The following CILK1 variants were observed in gnomAD, a reference collection of about 807,000 sequenced individuals.
CILK1 encodes serine/threonine-protein kinase ICK.
CILK1 carries 47 observed loss-of-function variants against 79.2 expected under a neutral mutation model. That is an observed-to-expected ratio of 0.59 (90% CI 0.47 to 0.76). The LOEUF is 0.76. Ranked by LOEUF, CILK1 falls within the 30% of genes least tolerant of loss-of-function variation. The pLI is 0.00. For missense variants in CILK1, 660 were observed against 769.5 expected, an observed-to-expected ratio of 0.86 and a Z score of 1.68; for synonymous variants, 266 against 275.9, an observed-to-expected ratio of 0.96 and a Z score of 0.36.
intron 1 of CILK1, among the ~76,000 whole-genome samples, chr6:53,042,393 T>C (rs1252691225): frequency 1.3e-5 from 2 of 152,214 alleles, no homozygotes; most frequent in South Asian, 2.1e-4. Flanking sequence ...CTGTGTTCTA[T>C]ACACTTGAGC....
At chr6:53,032,251 A>T (rs927321842) in intron 4 of CILK1, among the ~76,000 whole-genome samples, 1 of 152,214 alleles carries the variant, frequency 6.6e-6, no homozygotes, top group Non-Finnish European at 1.5e-5. Flanking sequence ...AGCTTTCAAC[A>T]TGAAAGCCCA....
At chr6:53,019,448 T>C in intron 5 of CILK1, 89 bp from the exon 6 acceptor site, 4 of 1,456,124 alleles carry the variant, frequency 2.7e-6, no homozygotes, top group Non-Finnish European at 3.8e-6. Flanking sequence ...AAAATAGTTA[T>C]AATTTAAAAA....
rs754775999 is a variant in CILK1 at position 53,018,401 on chromosome 6, G to T, written c.592C>A (p.Pro198Thr). 2 of 1,614,150 alleles carry T rather than the reference G, an allele frequency of 1.2e-6. No homozygotes were observed. The highest frequency in any genetic ancestry group is 8.5e-7 in the Non-Finnish European group (1 of 1,180,020). The change falls in exon 7 of 14, where the codon CCA (proline) becomes ACA (threonine). Residue 198 changes from proline to threonine, a missense_variant. By Grantham distance (38) the Pro-to-Thr change is conservative. Coordinates refer to ENST00000676107, the MANE Select transcript of CILK1 (RefSeq NM_014920.5). ...CIMAEVYTLRPLFPGASEIDT... is the reference protein window; with the variant it reads ...CIMAEVYTLRTLFPGASEIDT... ...ATTTCACTGGCTCCAGGGAAGAGTG[G>T]CCTGAGGGTGTAAACTTCTGCCATG...
At chr6:53,010,581 A>G (rs1581945315) in intron 11 of CILK1, among the ~76,000 whole-genome samples, 1 of 152,258 alleles carries the variant, frequency 6.6e-6, no homozygotes, top group East Asian at 1.9e-4. Context: ...CTTTCTCACT[A>G]TGCTCTGGCC....
chr6:53,011,937 C>T lies in CILK1; in HGVS notation c.1344-20G>A, dbSNP rs763106629. On this transcript the variant is annotated intron_variant, in intron 10 of 13. Transcript: ENST00000676107. ...TCAAACCTGAATGAAGAGAGCATGG[C>T]TTGGGTCAGCACGAGAGACAGTATG... 1 of 1,614,142 alleles carries T rather than the reference C, an allele frequency of 6.2e-7. No homozygotes were observed. The highest frequency in any genetic ancestry group is 1.3e-5 in the African/African-American group (1 of 75,038).
rs758943566 is a variant in CILK1 at position 53,016,083 on chromosome 6, C to A, written c.831G>T (p.Gln277His). 6.2e-7 allele frequency: 1 copy of A among 1,613,604 alleles called. No individual in the cohort carries two copies. The highest frequency in any genetic ancestry group is 1.3e-5 in the African/African-American group (1 of 74,838). Residue 277 changes from glutamine to histidine, a missense_variant and splice_region_variant, in exon 8 of 14, where the codon CAG becomes CAT. Coordinates refer to ENST00000676107, the MANE Select transcript of CILK1 (RefSeq NM_014920.5). ...TTATAACAAGAAAATGGAAGAAAAC[C>A]TGACTAGCTGTTGGTCGTTTCTTGG... ...WDPKKRPTASQALRYPYFQVG... is the reference protein window; with the variant it reads ...WDPKKRPTASHALRYPYFQVG...
Position 53,013,864 on chromosome 6 carries a change from A to C in CILK1, c.950T>G (p.Ile317Ser), listed in dbSNP as rs1372664713. 6.2e-7 allele frequency: 1 copy of C among 1,614,052 alleles called. No individual in the cohort carries two copies. The highest frequency in any genetic ancestry group is 1.7e-5 in the Admixed American group (1 of 60,020). Reference protein sequence around the residue: ...ILEKAGPPPYIKPVPPAQPPA... With the variant: ...ILEKAGPPPYSKPVPPAQPPA... ...TGGCTGGGCAGGTGGGACTGGCTTAATATAAGGAGGTGGGCCTGCCTTTTC... is the reference window on the plus strand; with the variant it reads ...TGGCTGGGCAGGTGGGACTGGCTTACTATAAGGAGGTGGGCCTGCCTTTTC... Residue 317 changes from isoleucine (I) to serine (S), a missense_variant, in exon 9 of 14, where the codon ATT becomes AGT. Transcript: ENST00000676107.
At chr6:53,016,040 CAG>C (rs1191772904) in intron 8 of CILK1, 41 bp downstream of exon 8, 1 of 1,584,722 alleles carries the variant, frequency 6.3e-7, no homozygotes. Flanking sequence ...AGAAATTATT[CAG>C]AGTTAGATAT....
intron 3 of CILK1, among the ~76,000 whole-genome samples, chr6:53,035,742 A>G (rs1268676174): frequency 6.6e-6 from 1 of 152,198 alleles, no homozygotes; most frequent in Non-Finnish European, 1.5e-5. Flanking sequence ...CTGGCAGGAC[A>G]TGAGAAACGA....
Position 53,032,602 on chromosome 6 carries a change from C to T in CILK1, c.209G>A (p.Arg70Lys), listed in dbSNP as rs368268757. ...ANVVKLKEVIRENDHLYFIFE... is the reference protein window; with the variant it reads ...ANVVKLKEVIKENDHLYFIFE... ...GATAAAATAAAGATGATCATTTTCC[C>T]TGATAACTTCTTTTAATTTGACTAC... Residue 70 changes from arginine (R) to lysine (K), a missense_variant, in exon 4 of 14, where the codon AGG (arginine) becomes AAG (lysine). Coordinates refer to ENST00000676107, the MANE Select transcript of CILK1 (RefSeq NM_014920.5). The T allele has an allele frequency of 3.1e-6, 5 of 1,605,300 alleles. No homozygotes were observed. The African/African-American group carries it at 6.7e-5, about 21-fold the overall frequency.
chr6:53,036,710 C>G (rs1766362450), intron 3 of CILK1, among the ~76,000 whole-genome samples: 1 of 152,050 alleles, frequency 6.6e-6, no homozygotes, highest in Non-Finnish European at 1.5e-5. Flanking sequence ...GCCACCACAC[C>G]CAGCCCAAAA....
chr6:53,057,415 C>T (rs1254099431), intron 1 of CILK1, among the ~76,000 whole-genome samples: 1 of 152,112 alleles, frequency 6.6e-6, no homozygotes, highest in Non-Finnish European at 1.5e-5. Flanking sequence ...AAAAGCAAGG[C>T]ACTATTGTGG....
intron 5 of CILK1, among the ~76,000 whole-genome samples, chr6:53,029,335 A>G (rs1562023524): frequency 6.6e-6 from 1 of 152,214 alleles, no homozygotes; most frequent in Non-Finnish European, 1.5e-5. Flanking sequence ...TCTTGTGAAT[A>G]AAGGCCCAAG....
At chr6:53,056,828 A>G (rs966153146) in intron 1 of CILK1, among the ~76,000 whole-genome samples, 2 of 152,238 alleles carry the variant, frequency 1.3e-5, no homozygotes, top group African/African-American at 4.8e-5. Context: ...ATTTTCCTAT[A>G]CTACCACGTC....
rs773426982 is a variant in CILK1, at chr6:53,005,182, T to G, written c.1866A>C (p.Thr622=). 6.2e-7 allele frequency: 1 copy of G among 1,614,102 alleles called. No individual in the cohort carries two copies. ...GAGATGCGTACTTGGAAGCCCAGTCTGTCCGGCCATGCACTGGCTGGGCGG... is the reference window on the plus strand; with the variant it reads ...GAGATGCGTACTTGGAAGCCCAGTCGGTCCGGCCATGCACTGGCTGGGCGG... ...PPAAQPVHGR[T]DWASKYASRR The change falls in exon 14 of 14, where the codon ACA becomes ACC. Residue 622 remains threonine (T), a synonymous_variant. Transcript: ENST00000676107.
rs1242461378 is a variant in CILK1, at chr6:53,012,129, A to G, written c.1251T>C (p.Asp417=). The change falls in exon 10 of 14, where the codon GAT becomes GAC. Residue 417 remains aspartate, a synonymous_variant. Transcript: ENST00000676107. ...LISRSTKDSD[D]WADLDDLDFS... ...AATCCAAGTCATCCAAGTCAGCCCA[A>G]TCATCTGAATCCTTTGTTGACCTGG... 6.2e-7 allele frequency: 1 copy of G among 1,614,168 alleles called. No homozygotes were observed. The highest frequency in any genetic ancestry group is 1.7e-5 in the Admixed American group (1 of 60,026).
intron 2 of CILK1, among the ~76,000 whole-genome samples, chr6:53,040,169 A>G (rs1251278003): frequency 1.3e-5 from 2 of 152,198 alleles, no homozygotes; most frequent in Non-Finnish European, 2.9e-5. Flanking sequence ...GCAGTCTCCA[A>G]TGTGGTTCCC....
rs951420346 is a variant in CILK1, at chr6:53,016,417, T to C, written c.664-167A>G. ...GCACTGTATGGAATGAGACATAGAT[T>C]TAGATTAATAGAGAGACCACCAAGA... On this transcript the variant is annotated intron_variant, in intron 7 of 13. Transcript: ENST00000676107. Among the ~76,000 whole-genome samples the C allele has an allele frequency of 2.0e-5, 3 of 152,050 alleles. No individual in the cohort carries two copies. The East Asian group carries it at 5.8e-4, about 29-fold the overall frequency.
At chr6:53,033,687 A>G (rs1380741440) in intron 3 of CILK1, among the ~76,000 whole-genome samples, 1 of 152,240 alleles carries the variant, frequency 6.6e-6, no homozygotes. Context: ...TAAAAAGAAC[A>G]TCCTTTTTAT....
Sources: allele counts gnomAD v4.1 joint callset (sites outside exome capture counted in the v4.1 genomes callset), GRCh38; gene constraint gnomAD v4.1.1; transcripts MANE v1.5; gene names NCBI Gene and HGNC (gene_info 2026-07-23, HGNC 2026-07-21).